PRKG1: variants seen among roughly 807,000 people sequenced by gnomAD.
PRKG1 encodes the protein cGMP-dependent protein kinase 1.
PRKG1 carries 35 observed loss-of-function variants against 88.1 expected under a neutral mutation model. The ratio of observed to expected loss-of-function variants is 0.40; its 90% CI spans 0.30 to 0.53. The LOEUF (loss-of-function observed/expected upper bound fraction) is 0.53, where lower values mean the gene tolerates loss of function less well. PRKG1 is among the 20% of genes least tolerant of loss of function. The pLI, the probability that PRKG1 is intolerant of heterozygous loss-of-function variation, is 0.59. For synonymous variants in PRKG1, 303 were observed against 292.5 expected (o/e 1.04, Z -0.37); for missense variants, 540 against 839.8 (o/e 0.64, Z 4.41).
At chr10:51,527,407 A>G (rs550966789) in intron 3 of PRKG1, among the ~76,000 whole-genome samples, 21 of 152,168 alleles carry the variant, frequency 1.4e-4, no homozygotes, top group Non-Finnish European at 2.5e-4. Context: ...ATTAGGTGCT[A>G]CAAGAGTACT....
chr10:51,141,959 T>C (rs932315321), intron 1 of PRKG1, among the ~76,000 whole-genome samples: 2 of 152,216 alleles, frequency 1.3e-5, no homozygotes, highest in African/African-American at 4.8e-5. Context: ...TGCAGTTTTT[T>C]GGAATTTTAT....
chr10:52,221,244 G>A (rs775249667), intron 9 of PRKG1, among the ~76,000 whole-genome samples: 6 of 151,952 alleles, frequency 3.9e-5, no homozygotes, highest in Middle Eastern at 3.4e-3. Context: ...AATTACTCCC[G>A]ATTCTTGCCT....
chr10:51,726,233 A>G (rs1438331939), intron 3 of PRKG1, among the ~76,000 whole-genome samples: 1 of 152,138 alleles, frequency 6.6e-6, no homozygotes, highest in Non-Finnish European at 1.5e-5. Context: ...TCACTATGCT[A>G]TGTATTTTAG....
chr10:52,164,885 G>A (rs1421908141), intron 9 of PRKG1, among the ~76,000 whole-genome samples: 1 of 152,120 alleles, frequency 6.6e-6, no homozygotes, highest in Non-Finnish European at 1.5e-5. Flanking sequence ...ACCTCACATA[G>A]TTACTTTTGG....
intron 1 of PRKG1, among the ~76,000 whole-genome samples, chr10:51,066,996 C>G (rs938569442): frequency 4.6e-5 from 7 of 152,004 alleles, no homozygotes; most frequent in Admixed American, 6.6e-5. Context: ...ATGTTTTCTT[C>G]CTGTCACTTT....
intron 7 of PRKG1, among the ~76,000 whole-genome samples, chr10:52,079,600 C>T (rs576783943): frequency 5.3e-5 from 8 of 152,182 alleles, no homozygotes; most frequent in African/African-American, 1.7e-4. Flanking sequence ...ATCCTAGAGG[C>T]AAGGTTCACT....
intron 2 of PRKG1, among the ~76,000 whole-genome samples, chr10:51,274,532 A>C (rs1240522138): frequency 6.6e-6 from 1 of 152,198 alleles, no homozygotes; most frequent in Non-Finnish European, 1.5e-5. Flanking sequence ...TTGGGATGAC[A>C]GTGTTTTACA....
chr10:51,256,468 G>A lies in PRKG1; in HGVS notation c.478+103138G>A, dbSNP rs549028288. Among the ~76,000 whole-genome samples, 12 of 152,208 alleles carry A rather than the reference G, an allele frequency of 7.9e-5. No individual in the cohort carries two copies. The South Asian group carries it at 2.5e-3, about 32-fold the overall frequency. ...ATGTACTGAGATAGCGTGGTAGAAA[G>A]GCTACATAAAGGATAGGCAAACAGA... On this transcript the variant is annotated intron_variant, in intron 2 of 17. Coordinates refer to ENST00000373980, the MANE Select transcript of PRKG1 (RefSeq NM_006258.4).
intron 2 of PRKG1, among the ~76,000 whole-genome samples, chr10:51,417,604 A>G (rs994273781): frequency 5.9e-5 from 9 of 152,188 alleles, no homozygotes; most frequent in Non-Finnish European, 8.8e-5. Flanking sequence ...GAAAAATTGT[A>G]GAACATAGTA....
chr10:52,176,495 C>T (rs1409244531), intron 9 of PRKG1, among the ~76,000 whole-genome samples: 1 of 152,022 alleles, frequency 6.6e-6, no homozygotes. Flanking sequence ...ATTGCTTTAG[C>T]TACTCAAGAT....
intron 3 of PRKG1, among the ~76,000 whole-genome samples, chr10:51,783,556 A>G (rs2132567649): frequency 6.6e-6 from 1 of 152,244 alleles, no homozygotes; most frequent in Non-Finnish European, 1.5e-5. Flanking sequence ...TGTTGGGATT[A>G]AAAGTGTGAG....
chr10:51,738,936 A>G (rs947465923), intron 3 of PRKG1, among the ~76,000 whole-genome samples: 3 of 152,228 alleles, frequency 2.0e-5, no homozygotes, highest in Non-Finnish European at 2.9e-5. Context: ...ATAAGCAACT[A>G]TGAAAGACTT....
rs151104127 is a variant in PRKG1, at chr10:52,081,014, CCT to C, written c.935+18384_935+18385del. On this transcript the variant is annotated intron_variant, in intron 7 of 17. Transcript: ENST00000373980. ...CAATTGCATCATAGCTCAACTTCTC[CCT>C]GTGTTCAGTCCGGCTTCCTTCACCC... Among the ~76,000 whole-genome samples the C allele has an allele frequency of 1.0e-2, 1,518 of 152,272 alleles. 27 individuals are homozygous for C. Among genetic ancestry groups the C allele is most frequent in the African/African-American group, 0.034 (1,432 of 41,550 alleles).
chr10:51,753,982 T>C (rs1031362047), intron 3 of PRKG1, among the ~76,000 whole-genome samples: 9 of 152,164 alleles, frequency 5.9e-5, no homozygotes, highest in African/African-American at 2.2e-4. Context: ...TTCAGGATTC[T>C]TGTGAGTCTC....
Position 51,077,843 on chromosome 10 carries a change from CTAAACTA to C in PRKG1, c.311+2945_311+2951del, listed in dbSNP as rs373023565. Among the ~76,000 whole-genome samples, 410 of 152,310 alleles carry C rather than the reference CTAAACTA, an allele frequency of 2.7e-3. 1 individual carries two copies. Among genetic ancestry groups the C allele is most frequent in the African/African-American group, 9.3e-3 (385 of 41,564 alleles). On this transcript the variant is annotated intron_variant, in intron 1 of 17. Coordinates refer to ENST00000373980, the MANE Select transcript of PRKG1 (RefSeq NM_006258.4). ...ATAACTCCTTGAGAATGTAAAACTA[CTAAACTA>C]TATTTGGAAATAAACTGAGCAAATA...
rs1167219822 is a variant in PRKG1 at position 51,843,093 on chromosome 10, C to CTTTTTTTTTTTT, written c.698+38415_698+38426dup. Among the ~76,000 whole-genome samples, 74 of 87,888 alleles carry CTTTTTTTTTTTT rather than the reference C, an allele frequency of 8.4e-4. 3 individuals carry two copies. Among genetic ancestry groups the CTTTTTTTTTTTT allele is most frequent in the Non-Finnish European group, 1.2e-3 (52 of 43,422 alleles). 57.7% of individuals were successfully genotyped at this position (87,888 alleles called of 152,430 possible). A position where few individuals can be genotyped will look rare whatever the true frequency, so the allele number is the denominator to read the frequency against. ...TTTATTTAAATTTAGGAAAATTATT[C>CTTTTTTTTTTTT]TTTTTTTTTTTTTTTTTTTTTTTGA... On this transcript the variant is annotated intron_variant, in intron 4 of 17. Transcript: ENST00000373980.
intron 2 of PRKG1, among the ~76,000 whole-genome samples, chr10:51,196,984 A>C (rs1837784598): frequency 6.6e-6 from 1 of 152,048 alleles, no homozygotes; most frequent in African/African-American, 2.4e-5. Context: ...TGACTTTGGC[A>C]CTTCTGTTCT....
chr10:51,499,750 G>A (rs950286420), intron 3 of PRKG1, among the ~76,000 whole-genome samples: 10 of 152,102 alleles, frequency 6.6e-5, no homozygotes, highest in South Asian at 6.2e-4. Flanking sequence ...ATCAGCGTAC[G>A]CAACATAAAG....
In PRKG1 at chr10:52,274,542, C is replaced by T. The variant is rs901797740; in HGVS notation, c.1403+2061C>T. Among the ~76,000 whole-genome samples, 5 of 151,316 alleles carry T rather than the reference C, an allele frequency of 3.3e-5. No homozygotes were observed. In the South Asian group the frequency reaches 8.3e-4, roughly 25 times the overall value. The stretch of plus-strand genomic sequence containing the variant: ...TCATATATATATATATATACACACA[C>T]ACACATGCCATCATATATATATATG... On this transcript the variant is annotated intron_variant, in intron 12 of 17. Coordinates refer to ENST00000373980, the MANE Select transcript of PRKG1 (RefSeq NM_006258.4).
Sources: allele counts gnomAD v4.1 joint callset (sites outside exome capture counted in the v4.1 genomes callset), GRCh38; gene constraint gnomAD v4.1.1; transcripts MANE v1.5; gene names NCBI Gene and HGNC (gene_info 2026-07-23, HGNC 2026-07-21).